PLCL1: variants seen among roughly 807,000 people sequenced by gnomAD.
PLCL1 encodes inactive phospholipase C-like protein 1.
PLCL1 carries 41 observed loss-of-function variants against 84.4 expected under a neutral mutation model. The ratio of observed to expected loss-of-function variants is 0.49; its 90% CI spans 0.38 to 0.63. PLCL1 has a LOEUF of 0.63. Ranked by LOEUF, PLCL1 falls within the 30% of genes least tolerant of loss-of-function variation. PLCL1 has a pLI of 0.00. For missense variants in PLCL1, 1,206 were observed against 1,367.8 expected, an observed-to-expected ratio of 0.88 and a Z score of 1.87; for synonymous variants, 490 against 488.3, an observed-to-expected ratio of 1.00 and a Z score of -0.05.
intron 1 of PLCL1, among the ~76,000 whole-genome samples, chr2:198,067,354 C>A (rs971694929): frequency 6.6e-6 from 1 of 152,104 alleles, no homozygotes; most frequent in South Asian, 2.1e-4. Flanking sequence ...TCTCGAACTC[C>A]TAACCTCAGG....
chr2:197,908,026 A>C (rs930158185), intron 1 of PLCL1, among the ~76,000 whole-genome samples: 6 of 152,196 alleles, frequency 3.9e-5, no homozygotes, highest in African/African-American at 1.2e-4. Flanking sequence ...GAGAGGGAGA[A>C]TGGATAAGAC....
intron 5 of PLCL1, among the ~76,000 whole-genome samples, chr2:198,116,528 T>TA (rs1046875853): frequency 5.3e-5 from 8 of 151,838 alleles, no homozygotes; most frequent in Non-Finnish European, 8.8e-5. Flanking sequence ...CTTGGAGTTT[T>TA]AAAAATATGC....
At chr2:198,044,464 G>A (rs1228171996) in intron 1 of PLCL1, among the ~76,000 whole-genome samples, 2 of 152,144 alleles carry the variant, frequency 1.3e-5, no homozygotes, top group Non-Finnish European at 2.9e-5. Flanking sequence ...CTCAACTCAG[G>A]AGGAATCCTG....
In PLCL1 at chr2:197,805,453, C is replaced by A; in HGVS notation, c.240+114C>A. On this transcript the variant is annotated intron_variant, in intron 1 of 5. Coordinates refer to ENST00000428675, the MANE Select transcript of PLCL1 (RefSeq NM_006226.4). The surrounding 1 kb of genome is among the most constrained non-coding windows in gnomAD (Gnocchi z 4.0). ...CCGGGCTCAGCATTGTTTTCTCCCA[C>A]CTCCTTCAACGCCAAACCTTCCTTC... 1.0e-6 allele frequency: 1 copy of A among 973,644 alleles called. No individual in the cohort carries two copies. Among genetic ancestry groups the A allele is most frequent in the African/African-American group, 1.7e-5 (1 of 59,374 alleles). The allele number at this position is 973,644 out of a possible 1,614,324, so 60.3% of individuals were successfully genotyped here.
At chr2:197,953,862 T>TC (rs1282667257) in intron 1 of PLCL1, among the ~76,000 whole-genome samples, 2 of 152,024 alleles carry the variant, frequency 1.3e-5, no homozygotes, top group Admixed American at 1.3e-4. Context: ...TTTTTTTTTT[T>TC]TCTAAAATAT....
chr2:198,080,096 T>A (rs983840154), intron 1 of PLCL1, among the ~76,000 whole-genome samples: 1 of 152,230 alleles, frequency 6.6e-6, no homozygotes, highest in Non-Finnish European at 1.5e-5. Flanking sequence ...CCTGGAAAGA[T>A]GTTATGGTCA....
At position 198,084,154 on chromosome 2, in the gene PLCL1, A is replaced by C. The variant is rs1386161051; in HGVS notation, c.637A>C (p.Ile213Leu). Reference sequence around the variant, plus strand: ...TGCCAATTCAGCAGATGTGGCAAACATCTGGGTGTCTGGGTTACGGTACCT... The same window carrying C: ...TGCCAATTCAGCAGATGTGGCAAACCTCTGGGTGTCTGGGTTACGGTACCT... Reference protein sequence around the residue: ...LVANSADVANIWVSGLRYLVS... With the variant: ...LVANSADVANLWVSGLRYLVS... The change falls in exon 2 of 6, where the codon ATC (isoleucine) becomes CTC (leucine). Residue 213 changes from isoleucine (I) to leucine (L), a missense_variant. Physicochemically the swap from Ile to Leu is conservative, Grantham distance 5. Transcript: ENST00000428675. 2 of 1,614,056 alleles carry C rather than the reference A, an allele frequency of 1.2e-6. No homozygotes were observed. The highest frequency in any genetic ancestry group is 1.3e-5 in the African/African-American group (1 of 74,942).
intron 1 of PLCL1, among the ~76,000 whole-genome samples, chr2:198,023,484 T>G (rs901064223): frequency 7.2e-5 from 11 of 152,186 alleles, no homozygotes; most frequent in African/African-American, 2.4e-4. Context: ...GGGAGAAAAT[T>G]TTTGCAATCT....
At chr2:198,067,843 T>A (rs929297682) in intron 1 of PLCL1, among the ~76,000 whole-genome samples, 24 of 152,360 alleles carry the variant, frequency 1.6e-4, no homozygotes, top group African/African-American at 5.5e-4. Context: ...GCTCTTACCC[T>A]CCTTATTTTG....
intron 1 of PLCL1, among the ~76,000 whole-genome samples, chr2:197,895,890 T>C (rs1016738082): frequency 3.3e-5 from 5 of 151,960 alleles, no homozygotes; most frequent in Non-Finnish European, 7.4e-5. Context: ...TACCCTGCAA[T>C]TCCTGTTGAA....
Position 197,860,030 on chromosome 2 carries a change from C to T in PLCL1, c.240+54691C>T, listed in dbSNP as rs193137333. Among the ~76,000 whole-genome samples the T allele has an allele frequency of 1.7e-4, 26 of 152,198 alleles. 1 individual carries two copies. Among genetic ancestry groups the T allele is most frequent in the Admixed American group, 1.5e-3 (23 of 15,284 alleles). On this transcript the variant is annotated intron_variant, in intron 1 of 5. Transcript: ENST00000428675. ...TCCTGATCCTTTCCCTCCTCCCACC[C>T]TCCACCCTCAGGTAGGCCCCAGTAT... is the stretch of plus-strand genomic sequence containing the variant.
At chr2:198,110,898 T>C (rs1693602836) in intron 5 of PLCL1, among the ~76,000 whole-genome samples, 1 of 151,878 alleles carries the variant, frequency 6.6e-6, no homozygotes, top group Non-Finnish European at 1.5e-5. Context: ...AGGATTCCTT[T>C]TGAGTATTCA....
intron 1 of PLCL1, among the ~76,000 whole-genome samples, chr2:197,951,092 T>C (rs1379262627): frequency 6.6e-6 from 1 of 152,098 alleles, no homozygotes; most frequent in Non-Finnish European, 1.5e-5. Flanking sequence ...AGGTCAGGGA[T>C]ACAATAGGTT....
intron 1 of PLCL1, among the ~76,000 whole-genome samples, chr2:197,998,186 T>TGC (rs1470135774): frequency 1.3e-3 from 188 of 142,804 alleles, no homozygotes; most frequent in African/African-American, 5.1e-3. Context: ...TGTGTGTGTG[T>TGC]GTGTGTGTGT....
At chr2:197,859,776 A>T (rs1415622299) in intron 1 of PLCL1, among the ~76,000 whole-genome samples, 1 of 152,230 alleles carries the variant, frequency 6.6e-6, no homozygotes, top group Non-Finnish European at 1.5e-5. Flanking sequence ...CTGGGTGTAT[A>T]GTCAGCTATA....
chr2:198,000,932 G>A (rs1690586340), intron 1 of PLCL1, among the ~76,000 whole-genome samples: 1 of 152,102 alleles, frequency 6.6e-6, no homozygotes, highest in Non-Finnish European at 1.5e-5. Flanking sequence ...GAGTCATCAT[G>A]ACTAAATTAA....
At chr2:198,042,561 T>A (rs1452578276) in intron 1 of PLCL1, among the ~76,000 whole-genome samples, 1 of 152,036 alleles carries the variant, frequency 6.6e-6, no homozygotes, top group Non-Finnish European at 1.5e-5. Flanking sequence ...GCAGATTCAG[T>A]GAAGGATAGA....
chr2:197,879,841 A>G (rs1424902328), intron 1 of PLCL1, among the ~76,000 whole-genome samples: 2 of 152,150 alleles, frequency 1.3e-5, no homozygotes, highest in African/African-American at 4.8e-5. Context: ...TTTTAATCCC[A>G]CTAAATTCTG....
At chr2:197,965,215 A>C (rs917141491) in intron 1 of PLCL1, among the ~76,000 whole-genome samples, 4 of 152,108 alleles carry the variant, frequency 2.6e-5, no homozygotes, top group Non-Finnish European at 1.5e-5. Context: ...GAGACTTTTT[A>C]CTACAGCTTT....
Sources: gnomAD v4.1 joint callset for allele counts (sites outside exome capture counted in the v4.1 genomes callset) on GRCh38, gnomAD v4.1.1 for gene constraint, Gnocchi (gnomAD v3.1) non-coding constraint, MANE v1.5 for transcripts, NCBI Gene and HGNC (gene_info 2026-07-23, HGNC 2026-07-21) for gene names.